The following AP3B1 variants were observed in gnomAD, a reference collection of about 807,000 sequenced individuals.
AP3B1 encodes the protein adaptor related protein complex 3 subunit beta 1.
AP3B1 carries 61 observed loss-of-function variants against 132.5 expected under a neutral mutation model. The observed-to-expected ratio is 0.46, with a 90% CI of 0.37 to 0.57. The LOEUF is 0.57. Ranked by LOEUF, AP3B1 falls within the 20% of genes least tolerant of loss-of-function variation. The pLI is 0.00. For missense variants in AP3B1, 1,120 were observed against 1,289.4 expected (o/e 0.87, Z 2.01); for synonymous variants, 388 against 438.3 (o/e 0.89, Z 1.43).
chr5:78,235,541 T>C (rs1185394527), intron 3 of AP3B1, among the ~76,000 whole-genome samples: 1 of 152,186 alleles, frequency 6.6e-6, no homozygotes, highest in East Asian at 1.9e-4. Context: ...TAAGAATCAA[T>C]CAATATTGAC....
At chr5:78,265,067 T>C (rs1017863812) in intron 2 of AP3B1, among the ~76,000 whole-genome samples, 1 of 152,230 alleles carries the variant, frequency 6.6e-6, no homozygotes, top group Non-Finnish European at 1.5e-5. Flanking sequence ...TACTGTCAGT[T>C]ATAAATTTAT....
At chr5:78,257,972 A>G in intron 2 of AP3B1, among the ~76,000 whole-genome samples, 1 of 152,232 alleles carries the variant, frequency 6.6e-6, no homozygotes, top group East Asian at 1.9e-4. Context: ...GGAAAACAAA[A>G]TTAGATCCCT....
At chr5:78,158,702 T>TC (rs1166164381) in intron 13 of AP3B1, among the ~76,000 whole-genome samples, 2 of 151,170 alleles carry the variant, frequency 1.3e-5, no homozygotes, top group Admixed American at 6.6e-5. Context: ...AGGTATTACT[T>TC]CTTTTTTTTT....
At chr5:78,132,506 C>T (rs528889890) in intron 15 of AP3B1, among the ~76,000 whole-genome samples, 1 of 152,072 alleles carries the variant, frequency 6.6e-6, no homozygotes, top group African/African-American at 2.4e-5. Context: ...AATGGAGCCA[C>T]CACATTAACA....
intron 6 of AP3B1, among the ~76,000 whole-genome samples, chr5:78,221,825 A>C (rs1048370345): frequency 1.3e-5 from 2 of 152,170 alleles, no homozygotes; most frequent in Admixed American, 1.3e-4. Context: ...CTACATTTTG[A>C]AAGGACTCAC....
In AP3B1 at chr5:78,198,866, G is replaced by T. The variant is rs190108469; in HGVS notation, c.786+17189C>A. Among the ~76,000 whole-genome samples, 70 of 152,222 alleles carry T rather than the reference G, an allele frequency of 4.6e-4. No individual in the cohort carries two copies. The East Asian group carries it at 0.013, about 29-fold the overall frequency. On this transcript the variant is annotated intron_variant, in intron 7 of 26. Coordinates refer to ENST00000255194, the MANE Select transcript of AP3B1 (RefSeq NM_003664.5). ...GATAATTCACTGGAAAAAAATTCAC[G>T]TTTAATAAAACTTTTAATTTAGTAT... is the stretch of plus-strand genomic sequence containing the variant.
chr5:78,052,165 T>C (rs1748611485), intron 22 of AP3B1, among the ~76,000 whole-genome samples: 1 of 152,220 alleles, frequency 6.6e-6, no homozygotes, highest in Admixed American at 6.5e-5. Context: ...TAAATTTTGA[T>C]ATACAAATTT....
downstream of AP3B1, chr5:78,001,318 G>A (rs1274073156): frequency 6.6e-6 from 1 of 152,148 alleles, no homozygotes; most frequent in African/African-American, 2.4e-5. Context: ...TGAGCAATAA[G>A]GCTAATATGG....
At chr5:78,279,226 T>C (rs1474396722) in intron 1 of AP3B1, among the ~76,000 whole-genome samples, 2 of 152,222 alleles carry the variant, frequency 1.3e-5, no homozygotes, top group East Asian at 1.9e-4. Flanking sequence ...TTGGAAGTTA[T>C]ATCCTTTCCA....
chr5:78,070,919 C>T (rs1329278504), intron 22 of AP3B1, among the ~76,000 whole-genome samples: 3 of 151,892 alleles, frequency 2.0e-5, no homozygotes, highest in Non-Finnish European at 4.4e-5. Flanking sequence ...CAGATGCTGG[C>T]GAAGCTATGA....
chr5:78,126,588 T>TA (rs1752477632), intron 17 of AP3B1, among the ~76,000 whole-genome samples: 1 of 147,176 alleles, frequency 6.8e-6, no homozygotes, highest in East Asian at 2.0e-4. Context: ...CAGATTTGAG[T>TA]AAAAATCAAC....
At chr5:78,110,776 G>GTA (rs750580994) in intron 19 of AP3B1, among the ~76,000 whole-genome samples, 10 of 145,152 alleles carry the variant, frequency 6.9e-5, no homozygotes, top group East Asian at 3.9e-4. Context: ...GTATATATAC[G>GTA]TATATATATA....
intron 21 of AP3B1, among the ~76,000 whole-genome samples, chr5:78,090,919 C>T (rs1750481583): frequency 6.6e-6 from 1 of 151,692 alleles, no homozygotes; most frequent in Admixed American, 6.6e-5. Flanking sequence ...TGAGTAAGTG[C>T]ATGCCACCAT....
intron 7 of AP3B1, among the ~76,000 whole-genome samples, chr5:78,182,713 C>T (rs1744421755): frequency 6.6e-6 from 1 of 152,070 alleles, no homozygotes; most frequent in African/African-American, 2.4e-5. Context: ...CAAGTGCAGC[C>T]CAACACCAGA....
intron 23 of AP3B1, among the ~76,000 whole-genome samples, chr5:78,037,322 A>T (rs1050980274): frequency 6.6e-6 from 1 of 152,148 alleles, no homozygotes; most frequent in Non-Finnish European, 1.5e-5. Context: ...TAGGTAAAAA[A>T]GGTTGAATTA....
chr5:78,015,160 A>G (rs1197177036), intron 26 of AP3B1, among the ~76,000 whole-genome samples: 2 of 152,212 alleles, frequency 1.3e-5, no homozygotes, highest in African/African-American at 2.4e-5. Context: ...CCAAGCTATT[A>G]TAAAATGTGA....
rs549749585 is a variant in AP3B1 at position 78,090,163 on chromosome 5, C to G, written c.2471-664G>C. On this transcript the variant is annotated intron_variant, in intron 21 of 26. Transcript: ENST00000255194. ...AACTCCTCAATTAAGTTCACAAAGTCCTCTATGGTCTGCCCCAGCCCAAAC... is the reference window on the plus strand; with the variant it reads ...AACTCCTCAATTAAGTTCACAAAGTGCTCTATGGTCTGCCCCAGCCCAAAC... Among the ~76,000 whole-genome samples, 17 of 152,332 alleles carry G rather than the reference C, an allele frequency of 1.1e-4. 1 individual carries two copies. The South Asian group carries it at 3.5e-3, about 32-fold the overall frequency.
At position 78,158,864 on chromosome 5, in the gene AP3B1, T is replaced by C. The variant is rs368546899; in HGVS notation, c.1364-2497A>G. On this transcript the variant is annotated intron_variant, in intron 13 of 26. Coordinates refer to ENST00000255194, the MANE Select transcript of AP3B1 (RefSeq NM_003664.5). Reference sequence around the variant, plus strand: ...GGTGCCCGCCACCACGCCCAGCTAATTTTTTGTATTTTTAGTAGAGATGGG... The same window carrying C: ...GGTGCCCGCCACCACGCCCAGCTAACTTTTTGTATTTTTAGTAGAGATGGG... Among the ~76,000 whole-genome samples, 7 of 152,206 alleles carry C rather than the reference T, an allele frequency of 4.6e-5. No homozygotes were observed. In the East Asian group the frequency reaches 1.4e-3, roughly 29 times the overall value.
intron 22 of AP3B1, among the ~76,000 whole-genome samples, chr5:78,046,887 T>C (rs1023028944): frequency 1.3e-5 from 2 of 152,088 alleles, no homozygotes; most frequent in African/African-American, 4.8e-5. Context: ...TGGTGTGTGA[T>C]GTTCCCCTCC....
Sources: allele counts gnomAD v4.1 joint callset (sites outside exome capture counted in the v4.1 genomes callset), GRCh38; gene constraint gnomAD v4.1.1; transcripts MANE v1.5; gene names NCBI Gene and HGNC (gene_info 2026-07-23, HGNC 2026-07-21).